Variants in GTF2E2 observed in about 807,000 individuals in gnomAD.
GTF2E2 encodes general transcription factor IIE subunit 2, also known as transcription initiation factor IIE subunit beta.
GTF2E2 carries 21 observed loss-of-function variants against 40.5 expected under a neutral mutation model. The observed-to-expected ratio is 0.52, with a 90% confidence interval of 0.37 to 0.75. The LOEUF is 0.75. Among genes scored for constraint, GTF2E2 ranks in the 30% least tolerant of loss-of-function variants. GTF2E2 has a pLI of 0.00. For missense variants in GTF2E2, 298 were observed against 338.4 expected, an observed-to-expected ratio of 0.88 and a Z score of 0.94; for synonymous variants, 117 against 121.6, an observed-to-expected ratio of 0.96 and a Z score of 0.25.
chr8:30,635,435 T>C (rs1280195679), intron 2 of GTF2E2, among the ~76,000 whole-genome samples: 1 of 152,086 alleles, frequency 6.6e-6, no homozygotes, highest in Non-Finnish European at 1.5e-5. Context: ...CAGGCTGAAG[T>C]TCAATGGCAC....
chr8:30,642,705 C>CT (rs1324253276), intron 2 of GTF2E2, among the ~76,000 whole-genome samples: 21 of 152,198 alleles, frequency 1.4e-4, no homozygotes, highest in Non-Finnish European at 1.2e-4. Flanking sequence ...ACACCTTGTT[C>CT]TTTTCACTTA....
chr8:30,631,709 A>C (rs995403031), intron 3 of GTF2E2, among the ~76,000 whole-genome samples: 1 of 152,330 alleles, frequency 6.6e-6, no homozygotes, highest in South Asian at 2.1e-4. Context: ...TAATTACCCA[A>C]ATAAAAATGT....
chr8:30,608,038 T>C (rs1041318155), intron 5 of GTF2E2, among the ~76,000 whole-genome samples: 3 of 152,202 alleles, frequency 2.0e-5, no homozygotes, highest in East Asian at 1.9e-4. Context: ...TTAACTTTCA[T>C]TGAGTACACC....
At chr8:30,617,980 T>C (rs1238314491) in intron 3 of GTF2E2, among the ~76,000 whole-genome samples, 7 of 152,120 alleles carry the variant, frequency 4.6e-5, no homozygotes, top group Non-Finnish European at 1.0e-4. Context: ...TTATTAAAAT[T>C]GTCTTTAATT....
rs58179732 is a variant in GTF2E2, at chr8:30,587,871, TA to T, written c.644-7476del. Among the ~76,000 whole-genome samples the T allele has an allele frequency of 4.4e-3, 459 of 105,022 alleles. 2 individuals are homozygous for T. The highest frequency in any genetic ancestry group is 0.013 in the African/African-American group (326 of 25,908). The allele number at this position is 105,022 out of a possible 152,430, so 68.9% of individuals were successfully genotyped here. ...TGGGCAACAGAGCAAGACTCCGTCT[TA>T]AAAAAAAAAAAAAAAAAAAAACCAC... On this transcript the variant is annotated intron_variant, in intron 6 of 7. Coordinates refer to ENST00000355904, the MANE Select transcript of GTF2E2 (RefSeq NM_002095.6).
chr8:30,607,700 C>T (rs541748144), intron 5 of GTF2E2, among the ~76,000 whole-genome samples: 4 of 152,198 alleles, frequency 2.6e-5, no homozygotes, highest in South Asian at 2.1e-4. Flanking sequence ...TCACTTAAAA[C>T]GGAAAATTCA....
intron 2 of GTF2E2, chr8:30,643,678 C>G (rs1231607937): frequency 7.5e-6 from 1 of 133,746 alleles, no homozygotes; most frequent in African/African-American, 2.8e-5. Context: ...AAAAAAAAGA[C>G]AGTACATGGG....
Position 30,644,785 on chromosome 8 carries a change from C to T in GTF2E2, c.166+8648G>A, listed in dbSNP as rs1802003393. Among the ~76,000 whole-genome samples the T allele has an allele frequency of 2.0e-5, 3 of 151,054 alleles. No homozygotes were observed. In the South Asian group the frequency reaches 6.3e-4, roughly 31 times the overall value. On this transcript the variant is annotated intron_variant, in intron 2 of 7. Coordinates refer to ENST00000355904, the MANE Select transcript of GTF2E2 (RefSeq NM_002095.6). ...TTTTTTTTGAGAAACGGTTTCATTC[C>T]CATTGTCCAGGCTAGAATGCAGTGG...
At chr8:30,587,699 C>T (rs13256856) in intron 6 of GTF2E2, among the ~76,000 whole-genome samples, 51,903 of 151,346 alleles carry the variant, frequency 0.34, 8,931 homozygotes, top group African/African-American at 0.4. Context: ...ATGGCAAAAC[C>T]CCATCTCTAC....
rs368609280 is a variant in GTF2E2 at position 30,612,417 on chromosome 8, T to A, written c.431A>T (p.Asn144Ile). The A allele has an allele frequency of 6.2e-7, 1 of 1,612,628 alleles. No individual in the cohort carries two copies. Among genetic ancestry groups the A allele is most frequent in the Non-Finnish European group, 8.5e-7 (1 of 1,178,866 alleles). ...AAGTAGGGCCTTCTTATCTCTCACG[T>A]TGTACTTGGGCTTGAAAGCATACTT... ...DGKYAFKPKY[N>I]VRDKKALLRL... Residue 144 changes from asparagine to isoleucine, a missense_variant, in exon 5 of 8, where the codon AAC (asparagine) becomes ATC (isoleucine). By Grantham distance (149) the Asn-to-Ile change is moderately radical (BLOSUM62 -3). Coordinates refer to ENST00000355904, the MANE Select transcript of GTF2E2 (RefSeq NM_002095.6).
chr8:30,595,731 C>T (rs1372706406), intron 6 of GTF2E2, among the ~76,000 whole-genome samples: 1 of 151,972 alleles, frequency 6.6e-6, no homozygotes, highest in Admixed American at 6.6e-5. Flanking sequence ...ACTCAGGAGG[C>T]TGAGATGGGA....
At chr8:30,604,590 A>G (rs1829269075) in intron 6 of GTF2E2, among the ~76,000 whole-genome samples, 1 of 152,228 alleles carries the variant, frequency 6.6e-6, no homozygotes, top group African/African-American at 2.4e-5. Context: ...AGCAAACTAA[A>G]AGAATAAACA....
chr8:30,594,554 T>TTAA (rs1563477422), intron 6 of GTF2E2, among the ~76,000 whole-genome samples: 1 of 132,900 alleles, frequency 7.5e-6, no homozygotes, highest in Non-Finnish European at 1.6e-5. Flanking sequence ...AATGGATCTT[T>TTAA]AAAAAAAAAA....
At chr8:30,633,358 ACT>A (rs1334087740) in intron 3 of GTF2E2, among the ~76,000 whole-genome samples, 2 of 152,232 alleles carry the variant, frequency 1.3e-5, no homozygotes, top group Admixed American at 1.3e-4. Context: ...TTGTTTTTAT[ACT>A]TTTAAATAAT....
chr8:30,589,552 C>T (rs62505279), intron 6 of GTF2E2, among the ~76,000 whole-genome samples: 34,643 of 152,160 alleles, frequency 0.23, 4,398 homozygotes, highest in South Asian at 0.39. Context: ...CAGAGCAAGA[C>T]GCTGTCTTAA....
At chr8:30,601,985 A>G (rs2151120083) in intron 6 of GTF2E2, among the ~76,000 whole-genome samples, 1 of 151,742 alleles carries the variant, frequency 6.6e-6, no homozygotes, top group Admixed American at 6.6e-5. Flanking sequence ...TTTACATTCT[A>G]GGGTAACTGC....
intron 6 of GTF2E2, among the ~76,000 whole-genome samples, chr8:30,580,621 G>A (rs1828491316): frequency 1.3e-5 from 2 of 152,136 alleles, no homozygotes; most frequent in Non-Finnish European, 2.9e-5. Flanking sequence ...GCTGTTTCTT[G>A]AGGCCAGCAA....
At chr8:30,618,939 T>C (rs1801004694) in intron 3 of GTF2E2, among the ~76,000 whole-genome samples, 1 of 152,190 alleles carries the variant, frequency 6.6e-6, no homozygotes. Context: ...AACTATTTTC[T>C]AACCTTCACT....
chr8:30,617,950 G>A (rs936587053), intron 3 of GTF2E2, among the ~76,000 whole-genome samples: 15 of 152,112 alleles, frequency 9.9e-5, no homozygotes, highest in Non-Finnish European at 1.5e-4. Flanking sequence ...TGGGTACCTC[G>A]TGATGATTCT....
Sources: allele counts gnomAD v4.1 joint callset (sites outside exome capture counted in the v4.1 genomes callset), GRCh38; gene constraint gnomAD v4.1.1; transcripts MANE v1.5; gene names NCBI Gene and HGNC (gene_info 2026-07-23, HGNC 2026-07-21).